The following FGFR1 variants were observed in gnomAD, a reference collection of about 807,000 sequenced individuals.
FGFR1 encodes FGFR1/PLAG1 fusion.
In FGFR1, 18 loss-of-function variants were observed where a neutral mutation model predicts 93.7. The ratio of observed to expected loss-of-function variants is 0.19; its 90% CI spans 0.13 to 0.28. FGFR1 has a LOEUF of 0.28. FGFR1 is among the 10% of genes least tolerant of loss of function. FGFR1 has a pLI of 1.00. For synonymous variants in FGFR1, 448 were observed against 429.3 expected (o/e 1.04, Z -0.54); for missense variants, 731 against 1,080.4 (o/e 0.68, Z 4.53).
rs756660976 is a variant in FGFR1, at chr8:38,428,103, G to A, written c.449-10C>T. The A allele has an allele frequency of 1.9e-6, 3 of 1,613,972 alleles. No homozygotes were observed. In the East Asian group the frequency reaches 6.7e-5, roughly 36 times the overall value. ...CAATATGGAGCTACGGCTGCCCGGG[G>A]AAAGCCAAGAGAGACAGGCAGGGTG... On this transcript the variant is annotated splice_polypyrimidine_tract_variant and intron_variant, in intron 4 of 17. Coordinates refer to ENST00000447712, the MANE Select transcript of FGFR1 (RefSeq NM_023110.3).
Position 38,414,672 on chromosome 8 carries a change from C to T in FGFR1, c.1978-43G>A, listed in dbSNP as rs781745049. The stretch of plus-strand genomic sequence containing the variant: ...GAGGTTGGAGTGGCCCCAGGCAGGG[C>T]CATGAGGGCACAGGTGGGAAGGGAC... On this transcript the variant is annotated intron_variant, in intron 14 of 17. Coordinates refer to ENST00000447712, the MANE Select transcript of FGFR1 (RefSeq NM_023110.3). The T allele has an allele frequency of 3.0e-5, 48 of 1,613,364 alleles. 1 individual carries two copies. The East Asian group carries it at 1.0e-3, about 34-fold the overall frequency.
Position 38,413,056 on chromosome 8 carries a change from C to A in FGFR1, c.*572G>T, listed in dbSNP as rs1027532442. On this transcript the variant is annotated 3_prime_UTR_variant, in exon 18 of 18. Coordinates refer to ENST00000447712, the MANE Select transcript of FGFR1 (RefSeq NM_023110.3). This position sits in a 1 kb window ranked among gnomAD's most constrained non-coding sequence, Gnocchi z 4.2. ...CCCAGGGCCACAACACTGCCCCCAA[C>A]CTGGCCTTCGCCTCACCATCCTCTG... The A allele has an allele frequency of 4.2e-6, 1 of 237,620 alleles. No individual in the cohort carries two copies. Among genetic ancestry groups the A allele is most frequent in the Non-Finnish European group, 8.3e-6 (1 of 120,708 alleles). 14.7% of individuals were successfully genotyped at this position (237,620 alleles called of 1,614,324 possible). A position where few individuals can be genotyped will look rare whatever the true frequency, so the allele number is the denominator to read the frequency against.
At chr8:38,418,866 T>C (rs768270764) in intron 9 of FGFR1, among the ~76,000 whole-genome samples, 1 of 152,122 alleles carries the variant, frequency 6.6e-6, no homozygotes, top group Non-Finnish European at 1.5e-5. Flanking sequence ...TTTGGCTGTG[T>C]CCCCACCCAA....
rs1313233899 is a variant in FGFR1, at chr8:38,411,214, C to T, written c.*2414G>A. On this transcript the variant is annotated 3_prime_UTR_variant, in exon 18 of 18. Coordinates refer to ENST00000447712, the MANE Select transcript of FGFR1 (RefSeq NM_023110.3). ...AATTTGTGGGTGATTTGAGTAGTAA[C>T]AGCAAGGACATCACTGTAATTATGA... 2.4e-5 allele frequency: 5 copies of T among 204,360 alleles called. No individual in the cohort carries two copies. The highest frequency in any genetic ancestry group is 6.9e-5 in the African/African-American group (3 of 43,754). The allele number at this position is 204,360 out of a possible 1,614,324, so 12.7% of individuals were successfully genotyped here.
At position 38,424,400 on chromosome 8, in the gene FGFR1, G is replaced by C; in HGVS notation, c.936+109C>G. On this transcript the variant is annotated intron_variant, in intron 7 of 17. Coordinates refer to ENST00000447712, the MANE Select transcript of FGFR1 (RefSeq NM_023110.3). The surrounding 1 kb of genome is among the most constrained non-coding windows in gnomAD (Gnocchi z 4.3). ...TGGAGTGTGTGTGCCTGAAGCGTGA[G>C]GAATGATCCCATTCGGGGGCAACTG... is the stretch of plus-strand genomic sequence containing the variant. 1 of 1,173,188 alleles carries C rather than the reference G, an allele frequency of 8.5e-7. No homozygotes were observed. The highest frequency in any genetic ancestry group is 1.3e-5 in the South Asian group (1 of 79,926). 72.7% of individuals were successfully genotyped at this position (1,173,188 alleles called of 1,614,324 possible).
In FGFR1 at chr8:38,412,508, C is replaced by G; in HGVS notation, c.*1120G>C. On this transcript the variant is annotated 3_prime_UTR_variant, in exon 18 of 18. Transcript: ENST00000447712. ...GCGCCTCTACTGCATGGATGGGGTT[C>G]CTGCCCTCGAAGCAGACATCTTCTT... The G allele has an allele frequency of 4.3e-6, 1 of 231,684 alleles. No individual in the cohort carries two copies. Among genetic ancestry groups the G allele is most frequent in the East Asian group, 6.1e-5 (1 of 16,330 alleles). 14.4% of individuals were successfully genotyped at this position (231,684 alleles called of 1,614,324 possible).
At chr8:38,461,211 TAGC>T in intron 1 of FGFR1, 1 of 1,421,778 alleles carries the variant, frequency 7.0e-7, no homozygotes, top group Non-Finnish European at 9.6e-7. Flanking sequence ...TCTGGTGAGA[TAGC>T]AGGGGCTGGA....
chr8:38,420,774 AGAGGCAT>A (rs1382125109), intron 8 of FGFR1, among the ~76,000 whole-genome samples: 2 of 152,140 alleles, frequency 1.3e-5, no homozygotes, highest in African/African-American at 2.4e-5. Context: ...ACCTTCCCAG[AGAGGCAT>A]GAGGCATGAG....
At chr8:38,434,390 A>G in intron 2 of FGFR1, 1 of 290,190 alleles carries the variant, frequency 3.4e-6, no homozygotes, top group Non-Finnish European at 6.8e-6. Context: ...GACTTTGAGC[A>G]TCTGCAATGG....
At chr8:38,464,545 GC>G (rs1215133544) in intron 1 of FGFR1, among the ~76,000 whole-genome samples, 4 of 152,092 alleles carry the variant, frequency 2.6e-5, no homozygotes, top group African/African-American at 9.7e-5. Flanking sequence ...TAAAGTAGAT[GC>G]AACCTTAGGA....
Position 38,411,651 on chromosome 8 carries a change from G to A in FGFR1, c.*1977C>T. 4.3e-6 allele frequency: 1 copy of A among 229,986 alleles called. No individual in the cohort carries two copies. Among genetic ancestry groups the A allele is most frequent in the Middle Eastern group, 1.3e-3 (1 of 762 alleles). The allele number at this position is 229,986 out of a possible 1,614,324, so 14.2% of individuals were successfully genotyped here. Reference sequence around the variant, plus strand: ...TTAGCAGTAATCCAGCAAAATATAAGCTTTAATATAGCGACTGAGGAGTGG... The same window carrying A: ...TTAGCAGTAATCCAGCAAAATATAAACTTTAATATAGCGACTGAGGAGTGG... On this transcript the variant is annotated 3_prime_UTR_variant, in exon 18 of 18. Transcript: ENST00000447712.
At chr8:38,466,162 G>A in intron 1 of FGFR1, 1 of 232,342 alleles carries the variant, frequency 4.3e-6, no homozygotes, top group Non-Finnish European at 8.5e-6. Flanking sequence ...TAGTTTCCGG[G>A]GGATGCGGCC....
chr8:38,411,556 G>C lies in FGFR1; in HGVS notation c.*2072C>G, dbSNP rs143775607. On this transcript the variant is annotated 3_prime_UTR_variant, in exon 18 of 18. Coordinates refer to ENST00000447712, the MANE Select transcript of FGFR1 (RefSeq NM_023110.3). Reference sequence around the variant, plus strand: ...CACTGCAGCTGCCAAAAAATCCCTAGCTCAGAAATTTAAAGCAGCAATCCC... The same window carrying C: ...CACTGCAGCTGCCAAAAAATCCCTACCTCAGAAATTTAAAGCAGCAATCCC... The C allele has an allele frequency of 6.1e-5, 14 of 228,200 alleles. No homozygotes were observed. Among genetic ancestry groups the C allele is most frequent in the African/African-American group, 2.4e-4 (11 of 45,200 alleles). 14.1% of individuals were successfully genotyped at this position (228,200 alleles called of 1,614,324 possible). A position where few individuals can be genotyped will look rare whatever the true frequency, so the allele number is the denominator to read the frequency against.
Position 38,426,180 on chromosome 8 carries a change from G to A in FGFR1, c.687C>T (p.Thr229=), listed in dbSNP as rs2150861705. 2 of 1,614,168 alleles carry A rather than the reference G, an allele frequency of 1.2e-6. No individual in the cohort carries two copies. The highest frequency in any genetic ancestry group is 1.7e-6 in the Non-Finnish European group (2 of 1,180,026). The change falls in exon 6 of 18, where the codon ACC becomes ACT. Residue 229 remains threonine, a synonymous_variant. Coordinates refer to ENST00000447712, the MANE Select transcript of FGFR1 (RefSeq NM_023110.3). This position sits in a 1 kb window ranked among gnomAD's most constrained non-coding sequence, Gnocchi z 4.1. ...SVVPSDKGNY[T]CIVENEYGSI... ...TGCCGTACTCATTCTCCACAATGCA[G>A]GTGTAGTTGCCCTTGTCAGAGGGCA...
chr8:38,449,887 C>T (rs945067930), intron 2 of FGFR1, among the ~76,000 whole-genome samples: 12 of 152,158 alleles, frequency 7.9e-5, no homozygotes, highest in African/African-American at 2.9e-4. Context: ...TGTTGTGAGC[C>T]AAGAAACAGG....
intron 1 of FGFR1, 144 bp downstream of exon 1, chr8:38,467,837 G>A (rs1278074867): frequency 1.3e-5 from 3 of 231,420 alleles, no homozygotes; most frequent in Non-Finnish European, 2.6e-5. Context: ...GAGCCAGGAG[G>A]TGAAAGGGGC....
At position 38,429,693 on chromosome 8, in the gene FGFR1, A is replaced by G. The variant is rs2150954951; in HGVS notation, c.347T>C (p.Val116Ala). 1 of 1,568,464 alleles carries G rather than the reference A, an allele frequency of 6.4e-7. No individual in the cohort carries two copies. The highest frequency in any genetic ancestry group is 8.6e-7 in the Non-Finnish European group (1 of 1,156,338). The change falls in exon 3 of 18, where the codon GTC becomes GCC. Residue 116 changes from valine to alanine, a missense_variant. This residue lies in a region of FGFR1 where 212 missense variants were observed against 205.8 expected (regional missense o/e 1.03). Transcript: ENST00000447712. The surrounding 1 kb of genome is among the most constrained non-coding windows in gnomAD (Gnocchi z 4.4). ...GCTTGGCTACCAACCTGAAACATTG[A>G]CGGAGAAGTAGGTGGTGTCACTGCC... ...PSGSDTTYFSVNVSDALPSSE... is the reference protein window; with the variant it reads ...PSGSDTTYFSANVSDALPSSE...
chr8:38,459,839 A>G (rs1175341098), intron 1 of FGFR1, among the ~76,000 whole-genome samples: 1 of 152,180 alleles, frequency 6.6e-6, no homozygotes, highest in African/African-American at 2.4e-5. Context: ...GGTAAATCCA[A>G]GGTAACTCTG....
intron 2 of FGFR1, among the ~76,000 whole-genome samples, chr8:38,453,220 C>A (rs1831651588): frequency 6.6e-6 from 1 of 152,158 alleles, no homozygotes; most frequent in Admixed American, 6.6e-5. Flanking sequence ...CAAACAGAGA[C>A]CTGGGGCTTG....
Sources: gnomAD v4.1 joint callset for allele counts (sites outside exome capture counted in the v4.1 genomes callset) on GRCh38, gnomAD v4.1.1 for gene constraint, gnomAD v4.1.1 regional missense constraint, Gnocchi (gnomAD v3.1) non-coding constraint, MANE v1.5 for transcripts, NCBI Gene and HGNC (gene_info 2026-07-23, HGNC 2026-07-21) for gene names.